The following MIA2 variants were observed in gnomAD, a reference collection of about 807,000 sequenced individuals.
MIA2 encodes melanoma inhibitory activity protein 2.
Under a neutral mutation model 167.8 loss-of-function variants are expected in MIA2, and 127 were observed. That is an observed-to-expected ratio of 0.76 (90% CI 0.66 to 0.88). The LOEUF is 0.88. Ranked by LOEUF, MIA2 falls within the 40% of genes least tolerant of loss-of-function variation. The probability of loss-of-function intolerance (pLI) is 0.00; values close to 1 mark genes in which losing one functional copy is unlikely to be tolerated. For missense variants in MIA2, 1,690 were observed against 1,624.7 expected (o/e 1.04, Z -0.69); for synonymous variants, 552 against 541.9 (o/e 1.02, Z -0.26).
Position 39,252,820 on chromosome 14 carries a change from A to T in MIA2, c.1640A>T (p.Asp547Val), listed in dbSNP as rs756259009. 20 of 1,613,888 alleles carry T rather than the reference A, an allele frequency of 1.2e-5. No individual in the cohort carries two copies. Among genetic ancestry groups the T allele is most frequent in the Non-Finnish European group, 1.5e-5 (18 of 1,179,928 alleles). The part of the protein sequence containing the change: ...EVYFEPSSSK[D>V]SDENSKPSVD... ...TATTTTGAACCCTCATCTTCTAAAG[A>T]TAGTGATGAAAATTCGAAACCATCA... Residue 547 changes from aspartate to valine, a missense_variant, in exon 5 of 29, where the codon GAT (aspartate) becomes GTT (valine). Asp to Val is a radical substitution (Grantham distance 152). Transcript: ENST00000640607.
At chr14:39,379,421 C>G (rs975114741) in intron 23 of MIA2, among the ~76,000 whole-genome samples, 2 of 152,148 alleles carry the variant, frequency 1.3e-5, no homozygotes, top group African/African-American at 2.4e-5. Context: ...AATTTAAAAC[C>G]TTAAATCACC....
At chr14:39,340,570 A>G (rs1198775366) in intron 25 of MIA2, among the ~76,000 whole-genome samples, 1 of 152,226 alleles carries the variant, frequency 6.6e-6, no homozygotes, top group Non-Finnish European at 1.5e-5. Flanking sequence ...GTTTTTTCAG[A>G]CAAGACTGAT....
At chr14:39,250,382 C>A (rs1381666725) in intron 4 of MIA2, among the ~76,000 whole-genome samples, 1 of 151,216 alleles carries the variant, frequency 6.6e-6, no homozygotes, top group Non-Finnish European at 1.5e-5. Flanking sequence ...GCCTGGGCAA[C>A]ACAGTGACAC....
chr14:39,284,561 A>T (rs1317164629), intron 9 of MIA2, among the ~76,000 whole-genome samples: 1 of 152,112 alleles, frequency 6.6e-6, no homozygotes, highest in African/African-American at 2.4e-5. Flanking sequence ...AATTTAGATT[A>T]AAAAAATTTC....
chr14:39,243,289 T>G (rs546667446), intron 3 of MIA2, among the ~76,000 whole-genome samples: 1 of 152,232 alleles, frequency 6.6e-6, no homozygotes, highest in Non-Finnish European at 1.5e-5. Flanking sequence ...GCAAGACGAT[T>G]TGGGCCTTTT....
chr14:39,354,522 C>T (rs563044502), downstream of MIA2, among the ~76,000 whole-genome samples: 8 of 152,222 alleles, frequency 5.3e-5, no homozygotes, highest in Admixed American at 1.3e-4. Flanking sequence ...CCTGTTTATT[C>T]TGATGGTAGT....
At chr14:39,235,670 AG>A (rs907118027) in intron 1 of MIA2, among the ~76,000 whole-genome samples, 2 of 151,904 alleles carry the variant, frequency 1.3e-5, no homozygotes, top group African/African-American at 4.8e-5. Flanking sequence ...CCCAGCTACT[AG>A]GGAGGCTGAG....
intron 23 of MIA2, chr14:39,386,004 A>G (rs774147736): frequency 6.6e-6 from 6 of 902,856 alleles, no homozygotes; most frequent in Non-Finnish European, 1.1e-5. Flanking sequence ...TCCATCCAGC[A>G]GCACCTACAG....
At chr14:39,266,839 C>T (rs1455302740) in intron 6 of MIA2, 1 of 54,996 alleles carries the variant, frequency 1.8e-5, no homozygotes, top group African/African-American at 7.2e-5. Context: ...GCCCCTGGGT[C>T]GGGGGGGTGG....
chr14:39,308,944 C>G (rs566117275), intron 18 of MIA2, among the ~76,000 whole-genome samples: 1 of 152,280 alleles, frequency 6.6e-6, no homozygotes, highest in South Asian at 2.1e-4. Context: ...TTTTTCTGTT[C>G]TGTGCAAATT....
rs924219282 is a variant in MIA2, at chr14:39,318,016, G to A, written c.3284+5G>A. Reference sequence around the variant, plus strand: ...AAATGCTCACAACAGACAAAAGTAAGTATCTTAGTGGGAACATTTAAAATT... The same window carrying A: ...AAATGCTCACAACAGACAAAAGTAAATATCTTAGTGGGAACATTTAAAATT... On this transcript the variant is annotated splice_donor_5th_base_variant and intron_variant, in intron 22 of 28. Coordinates refer to ENST00000640607, the MANE Select transcript of MIA2 (RefSeq NM_001329214.4). 4 of 1,558,404 alleles carry A rather than the reference G, an allele frequency of 2.6e-6. No individual in the cohort carries two copies. The highest frequency in any genetic ancestry group is 2.6e-6 in the Non-Finnish European group (3 of 1,152,676).
chr14:39,355,664 A>AT (rs756929505), downstream of MIA2, among the ~76,000 whole-genome samples: 11 of 152,148 alleles, frequency 7.2e-5, no homozygotes, highest in Non-Finnish European at 1.0e-4. Context: ...GTTTTTGCCC[A>AT]TTCAGTATGA....
At chr14:39,246,038 T>C (rs996141705) in intron 3 of MIA2, among the ~76,000 whole-genome samples, 1 of 152,104 alleles carries the variant, frequency 6.6e-6, no homozygotes, top group Admixed American at 6.6e-5. Flanking sequence ...ACTGAAAGCA[T>C]TGATTGCCTC....
chr14:39,234,647 T>G (rs1296297550), intron 1 of MIA2, among the ~76,000 whole-genome samples: 3 of 152,162 alleles, frequency 2.0e-5, no homozygotes, highest in African/African-American at 7.2e-5. Flanking sequence ...TAGTTTCTGT[T>G]TCACACTCAG....
downstream of MIA2, among the ~76,000 whole-genome samples, chr14:39,355,194 G>T (rs368020828): frequency 2.6e-5 from 4 of 151,754 alleles, no homozygotes; most frequent in African/African-American, 9.7e-5. Flanking sequence ...CATGAGCATG[G>T]AATGTTCTTC....
chr14:39,347,818 C>CTTTTTTTTTTTTTTTTTTTTTTTT (rs59832680), intron 27 of MIA2, 47 bp downstream of exon 27: 3 of 644,380 alleles, frequency 4.7e-6, no homozygotes, highest in African/African-American at 2.8e-5. Flanking sequence ...CAGAAGCCTT[C>CTTTTTTTTTTTTTTTTTTTTTTTT]TTTTTTTTTT....
At chr14:39,342,083 AT>A (rs1230922391) in intron 25 of MIA2, among the ~76,000 whole-genome samples, 2 of 152,176 alleles carry the variant, frequency 1.3e-5, no homozygotes, top group African/African-American at 2.4e-5. Flanking sequence ...TTTGTTACAT[AT>A]GTATACATGT....
chr14:39,305,555 G>A (rs1451786080), intron 17 of MIA2, among the ~76,000 whole-genome samples: 5 of 152,126 alleles, frequency 3.3e-5, no homozygotes, highest in African/African-American at 1.2e-4. Flanking sequence ...TTTATTCATA[G>A]CATGAAGATT....
intron 23 of MIA2, among the ~76,000 whole-genome samples, chr14:39,361,141 G>A (rs903369741): frequency 3.3e-5 from 5 of 152,056 alleles, no homozygotes; most frequent in African/African-American, 9.7e-5. Context: ...CTCTTCTTTG[G>A]TTTCATATGA....
Sources: gnomAD v4.1 joint callset for allele counts (sites outside exome capture counted in the v4.1 genomes callset) on GRCh38, gnomAD v4.1.1 for gene constraint, MANE v1.5 for transcripts, NCBI Gene and HGNC (gene_info 2026-07-23, HGNC 2026-07-21) for gene names.